Variants in ATP9B observed in about 807,000 individuals in gnomAD.
ATP9B encodes the protein probable phospholipid-transporting ATPase IIB.
ATP9B carries 110 observed loss-of-function variants against 146.1 expected under a neutral mutation model. The ratio of observed to expected loss-of-function variants is 0.75; its 90% CI spans 0.65 to 0.88. The LOEUF (loss-of-function observed/expected upper bound fraction) is 0.88, where lower values mean the gene tolerates loss of function less well. ATP9B is among the 40% of genes least tolerant of loss of function. The pLI, the probability that ATP9B is intolerant of heterozygous loss-of-function variation, is 0.00. For synonymous variants in ATP9B, 604 were observed against 569.7 expected, an observed-to-expected ratio of 1.06 and a Z score of -0.86; for missense variants, 1,499 against 1,496.4, an observed-to-expected ratio of 1.00 and a Z score of -0.03.
At chr18:79,258,869 A>T (rs1042912328) in intron 12 of ATP9B, among the ~76,000 whole-genome samples, 1 of 152,216 alleles carries the variant, frequency 6.6e-6, no homozygotes, top group African/African-American at 2.4e-5. Flanking sequence ...AAAGCACAGG[A>T]CACTGATTTG....
In ATP9B at chr18:79,176,829, A is replaced by G; in HGVS notation, c.795A>G (p.Arg265=). Residue 265 remains arginine, a synonymous_variant, in exon 8 of 30, where the codon CGA becomes CGG. Transcript: ENST00000426216. ...TSEKAGSCFI[R]TDQLDGETDW... ...ACTTCCAAGGTTCGTGTTTTATTCGAACTGATCAACTAGATGGTGAAACTG... is the reference window on the plus strand; with the variant it reads ...ACTTCCAAGGTTCGTGTTTTATTCGGACTGATCAACTAGATGGTGAAACTG... 1 of 1,614,106 alleles carries G rather than the reference A, an allele frequency of 6.2e-7. No individual in the cohort carries two copies. Among genetic ancestry groups the G allele is most frequent in the Non-Finnish European group, 8.5e-7 (1 of 1,180,016 alleles).
At chr18:79,140,297 A>T (rs2094497732) in intron 5 of ATP9B, among the ~76,000 whole-genome samples, 1 of 152,114 alleles carries the variant, frequency 6.6e-6, no homozygotes, top group Non-Finnish European at 1.5e-5. Context: ...TACAAATATG[A>T]TTATCTTCTA....
intron 7 of ATP9B, among the ~76,000 whole-genome samples, chr18:79,171,952 G>A (rs1160471082): frequency 6.6e-6 from 1 of 151,692 alleles, no homozygotes; most frequent in African/African-American, 2.4e-5. Context: ...GCTATGGCGC[G>A]ATCTCAGCTC....
intron 1 of ATP9B, among the ~76,000 whole-genome samples, chr18:79,091,702 C>T (rs1243951302): frequency 7.2e-5 from 11 of 152,116 alleles, no homozygotes; most frequent in African/African-American, 2.2e-4. Flanking sequence ...TGCAAATATA[C>T]GTTCGTATCA....
chr18:79,080,397 T>C lies in ATP9B; in HGVS notation c.119+10868T>C, dbSNP rs147444814. Among the ~76,000 whole-genome samples, 1,008 of 152,322 alleles carry C rather than the reference T, an allele frequency of 6.6e-3. 14 individuals carry two copies. Among genetic ancestry groups the C allele is most frequent in the African/African-American group, 0.023 (965 of 41,572 alleles). ...GTATTCCTAGTTATTTTATTCTCTT[T>C]GTAGCAGTTGTGAATGGAAATTCAC... On this transcript the variant is annotated intron_variant, in intron 1 of 29. Transcript: ENST00000426216.
chr18:79,232,744 C>T (rs192844779), intron 11 of ATP9B, among the ~76,000 whole-genome samples: 2 of 152,172 alleles, frequency 1.3e-5, no homozygotes, highest in East Asian at 1.9e-4. Flanking sequence ...GTAGACAACT[C>T]GCGAAAACGG....
chr18:79,097,069 A>G (rs1043691811), intron 2 of ATP9B, among the ~76,000 whole-genome samples: 1 of 151,832 alleles, frequency 6.6e-6, no homozygotes, highest in Non-Finnish European at 1.5e-5. Context: ...GAGGCAGGAG[A>G]ATCACTTGAA....
At chr18:79,303,912 A>G (rs1478107248) in intron 14 of ATP9B, among the ~76,000 whole-genome samples, 196 bp downstream of exon 14, 2 of 152,214 alleles carry the variant, frequency 1.3e-5, no homozygotes, top group Non-Finnish European at 2.9e-5. Context: ...GTGAAATCGT[A>G]GAAGGCATAG....
rs560074381 is a variant in ATP9B at position 79,180,718 on chromosome 18, G to A, written c.873+3811G>A. On this transcript the variant is annotated intron_variant, in intron 8 of 29. Coordinates refer to ENST00000426216, the MANE Select transcript of ATP9B (RefSeq NM_198531.5). ...TTTAGCCCTAAGAACTTCTTTCAAC[G>A]TATCTTGTAGTGAAATCTGCTAGAG... Among the ~76,000 whole-genome samples the A allele has an allele frequency of 2.0e-4, 31 of 152,154 alleles. 1 individual carries two copies. The South Asian group carries it at 4.8e-3, about 23-fold the overall frequency.
At chr18:79,274,648 AT>A (rs1229570172) in intron 12 of ATP9B, among the ~76,000 whole-genome samples, 3 of 152,092 alleles carry the variant, frequency 2.0e-5, no homozygotes, top group Non-Finnish European at 2.9e-5. Flanking sequence ...CCTATGTGGT[AT>A]TATTGTCTTA....
At chr18:79,218,843 T>C (rs949693372) in intron 11 of ATP9B, among the ~76,000 whole-genome samples, 3 of 152,206 alleles carry the variant, frequency 2.0e-5, no homozygotes, top group Non-Finnish European at 4.4e-5. Flanking sequence ...TTGGCCAAGT[T>C]CAAGGAGTCA....
chr18:79,128,449 A>G (rs186936598), intron 5 of ATP9B, among the ~76,000 whole-genome samples: 1 of 152,342 alleles, frequency 6.6e-6, no homozygotes, highest in African/African-American at 2.4e-5. Flanking sequence ...AGGTTGTCCT[A>G]GTATGACTTG....
At chr18:79,346,335 C>T (rs966892312) in intron 23 of ATP9B, among the ~76,000 whole-genome samples, 3 of 149,538 alleles carry the variant, frequency 2.0e-5, no homozygotes, top group African/African-American at 7.4e-5. Context: ...TACACATGCT[C>T]AGCACACGGT....
At chr18:79,281,914 GA>G (rs1213801570) in intron 13 of ATP9B, among the ~76,000 whole-genome samples, 5 of 152,230 alleles carry the variant, frequency 3.3e-5, no homozygotes, top group Non-Finnish European at 7.3e-5. Context: ...TTCTGGAAAG[GA>G]TTCACGATTC....
rs1372805105 is a variant in ATP9B at position 79,261,114 on chromosome 18, T to C, written c.1268+7573T>C. ...ATCTGGGGCCTTTGAGCAGATGCTG[T>C]TTGGATGAAATTTTGGACTTAATGT... is the stretch of plus-strand genomic sequence containing the variant. On this transcript the variant is annotated intron_variant, in intron 12 of 29. Transcript: ENST00000426216. Among the ~76,000 whole-genome samples the C allele has an allele frequency of 5.3e-5, 8 of 152,058 alleles. No individual in the cohort carries two copies. In the East Asian group the frequency reaches 1.4e-3, roughly 26 times the overall value.
chr18:79,287,209 GT>G (rs1484630562), intron 13 of ATP9B, among the ~76,000 whole-genome samples: 1 of 152,182 alleles, frequency 6.6e-6, no homozygotes, highest in Admixed American at 6.5e-5. Flanking sequence ...GTTCCTCCTT[GT>G]ACCTCTGGTA....
At chr18:79,168,558 G>T (rs1432005537) in intron 7 of ATP9B, among the ~76,000 whole-genome samples, 1 of 152,038 alleles carries the variant, frequency 6.6e-6, no homozygotes, top group Non-Finnish European at 1.5e-5. Flanking sequence ...TTACCTCTGA[G>T]CCTAAAATAG....
At chr18:79,076,230 T>C (rs899005611) in intron 1 of ATP9B, among the ~76,000 whole-genome samples, 8 of 152,248 alleles carry the variant, frequency 5.3e-5, no homozygotes, top group African/African-American at 1.4e-4. Context: ...AAGCCTATTA[T>C]ATTCATCTAC....
At chr18:79,073,439 C>T (rs1011658847) in intron 1 of ATP9B, among the ~76,000 whole-genome samples, 1 of 152,210 alleles carries the variant, frequency 6.6e-6, no homozygotes, top group Non-Finnish European at 1.5e-5. Flanking sequence ...CCAGCCTGGC[C>T]AACACGGAGA....
Sources: allele counts gnomAD v4.1 joint callset (sites outside exome capture counted in the v4.1 genomes callset), GRCh38; gene constraint gnomAD v4.1.1; transcripts MANE v1.5; gene names NCBI Gene and HGNC (gene_info 2026-07-23, HGNC 2026-07-21).